CFAP44: variants seen among roughly 807,000 people sequenced by gnomAD.
The protein encoded by CFAP44 is cilia and flagella associated protein 44, also known as cilia- and flagella-associated protein 44.
In CFAP44, 134 loss-of-function variants were observed where a neutral mutation model predicts 216.2. The ratio of observed to expected loss-of-function variants is 0.62; its 90% CI spans 0.54 to 0.72. CFAP44 has a LOEUF of 0.72. Among genes scored for constraint, CFAP44 ranks in the 30% least tolerant of loss-of-function variants. CFAP44 has a pLI of 0.00. For synonymous variants in CFAP44, 700 were observed against 727.6 expected, an observed-to-expected ratio of 0.96 and a Z score of 0.61; for missense variants, 2,035 against 2,182.1, an observed-to-expected ratio of 0.93 and a Z score of 1.34.
At chr3:113,397,309 G>GA (rs1559935160) in intron 13 of CFAP44, 2 of 152,946 alleles carry the variant, frequency 1.3e-5, no homozygotes, top group African/African-American at 4.8e-5. Context: ...CAGAACTCAA[G>GA]AAAAAGTTAT....
In CFAP44 at chr3:113,362,909, T is replaced by C. The variant is rs924829574; in HGVS notation, c.2934+236A>G. 6.3e-6 allele frequency: 8 copies of C among 1,261,156 alleles called. No homozygotes were observed. In the South Asian group the frequency reaches 1.8e-4, roughly 28 times the overall value. 78.1% of individuals were successfully genotyped at this position (1,261,156 alleles called of 1,614,324 possible). On this transcript the variant is annotated intron_variant, in intron 21 of 34. Coordinates refer to ENST00000393845, the MANE Select transcript of CFAP44 (RefSeq NM_001164496.2). ...CTTCCCCATGTATTCCTTTCATGTG[T>C]TCTATAACAACAGTTGATGTAAAAC...
intron 22 of CFAP44, among the ~76,000 whole-genome samples, chr3:113,357,371 T>C (rs558224865): frequency 8.5e-5 from 13 of 152,060 alleles, no homozygotes; most frequent in Non-Finnish European, 1.5e-4. Context: ...ATGACTGGTG[T>C]TCTTATAAAA....
chr3:113,363,878 C>T (rs1258896141), intron 19 of CFAP44, among the ~76,000 whole-genome samples: 4 of 152,080 alleles, frequency 2.6e-5, no homozygotes, highest in South Asian at 4.1e-4. Context: ...TCATTTATTT[C>T]AAAATGCTGT....
chr3:113,426,704 T>C (rs757847579), intron 3 of CFAP44: 2 of 187,216 alleles, frequency 1.1e-5, no homozygotes, highest in Non-Finnish European at 2.2e-5. Context: ...GAATCCAAAA[T>C]TGTATTTCCC....
At chr3:113,345,170 A>G (rs1950369447) in intron 22 of CFAP44, among the ~76,000 whole-genome samples, 1 of 149,378 alleles carries the variant, frequency 6.7e-6, no homozygotes, top group South Asian at 2.1e-4. Flanking sequence ...ATAGATATAT[A>G]GTTTGTGTAT....
At position 113,403,778 on chromosome 3, in the gene CFAP44, G is replaced by GA. The variant is rs1934202346; in HGVS notation, c.1170+73dup. 7 of 1,471,394 alleles carry GA rather than the reference G, an allele frequency of 4.8e-6. No homozygotes were observed. In the South Asian group the frequency reaches 1.0e-4, roughly 22 times the overall value. The allele number at this position is 1,471,394 out of a possible 1,614,324, so 91.1% of individuals were successfully genotyped here. ...ATCTCCTTCACAAAATAACCTTTATGAGAAATAAAACCCTTTGGGTGAGCT... is the reference window on the plus strand; with the variant it reads ...ATCTCCTTCACAAAATAACCTTTATGAAGAAATAAAACCCTTTGGGTGAGCT... On this transcript the variant is annotated intron_variant, in intron 9 of 34. Coordinates refer to ENST00000393845, the MANE Select transcript of CFAP44 (RefSeq NM_001164496.2).
At chr3:113,291,981 T>G (rs1465661514) in intron 34 of CFAP44, among the ~76,000 whole-genome samples, 1 of 152,222 alleles carries the variant, frequency 6.6e-6, no homozygotes, top group Non-Finnish European at 1.5e-5. Context: ...GAGTACACTT[T>G]AAGCTAGCTA....
intron 22 of CFAP44, among the ~76,000 whole-genome samples, chr3:113,358,094 C>T (rs943262955): frequency 6.6e-5 from 10 of 152,000 alleles, no homozygotes; most frequent in Non-Finnish European, 1.0e-4. Flanking sequence ...GCAAAAGAAT[C>T]CATACTGTAA....
At chr3:113,302,772 C>CAAAAAAA (rs57355375) in intron 32 of CFAP44, among the ~76,000 whole-genome samples, 15 of 44,152 alleles carry the variant, frequency 3.4e-4, no homozygotes, top group South Asian at 8.0e-4. Flanking sequence ...GACTCCATCT[C>CAAAAAAA]AAAAAAAAAA....
intron 28 of CFAP44, among the ~76,000 whole-genome samples, chr3:113,320,560 T>C (rs1011636340): frequency 1.4e-5 from 2 of 148,060 alleles, no homozygotes; most frequent in African/African-American, 4.9e-5. Flanking sequence ...AAGTTATATA[T>C]ATGTATATAT....
At chr3:113,373,905 G>T (rs1235784119) in intron 17 of CFAP44, among the ~76,000 whole-genome samples, 1 of 151,984 alleles carries the variant, frequency 6.6e-6, no homozygotes, top group Non-Finnish European at 1.5e-5. Context: ...GCAGTTCCTC[G>T]TTTTTACAGC....
At chr3:113,421,161 T>C (rs7646985) in intron 4 of CFAP44, among the ~76,000 whole-genome samples, 70,143 of 151,854 alleles carry the variant, frequency 0.46, 16,905 homozygotes, top group African/African-American at 0.59. Context: ...AAAAAAATAA[T>C]CCCACTAAAA....
At chr3:113,335,168 C>G (rs573927057) in intron 24 of CFAP44, among the ~76,000 whole-genome samples, 25 of 152,276 alleles carry the variant, frequency 1.6e-4, no homozygotes, top group African/African-American at 5.8e-4. Flanking sequence ...ATAATATAAA[C>G]AACCAGAAAA....
intron 3 of CFAP44, chr3:113,426,643 G>A (rs1195616420): frequency 4.7e-6 from 1 of 211,986 alleles, no homozygotes; most frequent in Admixed American, 5.2e-5. Flanking sequence ...CCAGTCTCAG[G>A]TATGTGTTTA....
intron 24 of CFAP44, 69 bp downstream of exon 24, chr3:113,341,675 A>G: frequency 7.5e-7 from 1 of 1,325,398 alleles, no homozygotes; most frequent in Non-Finnish European, 9.8e-7. Context: ...AAATATAAAG[A>G]TTTTTAAGAT....
chr3:113,295,196 TCCTTAAGGTA>T (rs928049316), intron 33 of CFAP44, among the ~76,000 whole-genome samples: 1 of 152,216 alleles, frequency 6.6e-6, no homozygotes, highest in African/African-American at 2.4e-5. Flanking sequence ...TGGCCCAGGA[TCCTTAAGGTA>T]GCTGGCTTGA....
intron 15 of CFAP44, among the ~76,000 whole-genome samples, chr3:113,394,623 A>G (rs1933939712): frequency 6.6e-6 from 1 of 152,216 alleles, no homozygotes; most frequent in African/African-American, 2.4e-5. Context: ...TCTCTATACC[A>G]GGGGTGTCCA....
chr3:113,417,639 C>T (rs930722218), intron 5 of CFAP44, among the ~76,000 whole-genome samples: 4 of 152,126 alleles, frequency 2.6e-5, no homozygotes, highest in Admixed American at 1.3e-4. Flanking sequence ...AACATTATTT[C>T]CTTTAAATTT....
intron 4 of CFAP44, among the ~76,000 whole-genome samples, chr3:113,424,314 T>C (rs1419775782): frequency 6.6e-6 from 1 of 152,118 alleles, no homozygotes; most frequent in Non-Finnish European, 1.5e-5. Flanking sequence ...TGCATGCCTA[T>C]AGTCCCAGCT....
Sources: gnomAD v4.1 joint callset for allele counts (sites outside exome capture counted in the v4.1 genomes callset) on GRCh38, gnomAD v4.1.1 for gene constraint, MANE v1.5 for transcripts, NCBI Gene and HGNC (gene_info 2026-07-23, HGNC 2026-07-21) for gene names.